The following REPS1 variants were observed in gnomAD, a reference collection of about 807,000 sequenced individuals.
REPS1 encodes the protein ralBP1-associated Eps domain-containing protein 1.
Under a neutral mutation model 100.9 loss-of-function variants are expected in REPS1, and 39 were observed. That is an observed-to-expected ratio of 0.39 (90% CI 0.30 to 0.50). The LOEUF (loss-of-function observed/expected upper bound fraction) is 0.50. Ranked by LOEUF, REPS1 falls within the 20% of genes least tolerant of loss-of-function variation. The pLI, the probability that REPS1 is intolerant of heterozygous loss-of-function variation, is 0.86. For missense variants in REPS1, 821 were observed against 968.5 expected, an observed-to-expected ratio of 0.85 and a Z score of 2.02; for synonymous variants, 324 against 340.3, an observed-to-expected ratio of 0.95 and a Z score of 0.53.
intron 1 of REPS1, among the ~76,000 whole-genome samples, chr6:138,974,520 C>T (rs2128505408): frequency 6.6e-6 from 1 of 152,190 alleles, no homozygotes; most frequent in Middle Eastern, 3.4e-3. Flanking sequence ...ATTAAATGTC[C>T]AAATGTGTTT....
At chr6:138,952,922 C>T (rs936129533) in intron 1 of REPS1, among the ~76,000 whole-genome samples, 1 of 151,666 alleles carries the variant, frequency 6.6e-6, no homozygotes, top group African/African-American at 2.4e-5. Flanking sequence ...ACCACAACCT[C>T]CACCTCCTGC....
rs1431410499 is a variant in REPS1 at position 138,987,895 on chromosome 6, C to G, written c.-213G>C. The G allele has an allele frequency of 2.4e-6, 1 of 420,914 alleles. No individual in the cohort carries two copies. The highest frequency in any genetic ancestry group is 3.9e-6 in the Non-Finnish European group (1 of 255,462). The allele number at this position is 420,914 out of a possible 1,614,324, so 26.1% of individuals were successfully genotyped here. A position where few individuals can be genotyped will look rare whatever the true frequency, so the allele number is the denominator to read the frequency against. ...GCTGCGCTCGCCGCGCCGCTGCCTG[C>G]GAGGCCCGGCGCGCGGCTGCGGCTG... On this transcript the variant is annotated 5_prime_UTR_variant, in exon 1 of 20. Coordinates refer to ENST00000450536, the MANE Select transcript of REPS1 (RefSeq NM_001286611.2).
chr6:138,982,103 G>A (rs1784988463), intron 1 of REPS1, among the ~76,000 whole-genome samples: 1 of 152,122 alleles, frequency 6.6e-6, no homozygotes, highest in East Asian at 1.9e-4. Context: ...TTATTTTAGT[G>A]ATTCAGAACT....
At chr6:138,957,277 T>TGG (rs1390764117) in intron 1 of REPS1, among the ~76,000 whole-genome samples, 1 of 152,122 alleles carries the variant, frequency 6.6e-6, no homozygotes, top group Non-Finnish European at 1.5e-5. Flanking sequence ...CATTTAGAGA[T>TGG]GGGGGAGAAC....
At position 138,934,590 on chromosome 6, in the gene REPS1, T is replaced by C. The variant is rs575554772; in HGVS notation, c.1136-4492A>G. ...GCTAAACAACCTCTTTCTCAGAGCT[T>C]TGTTTTTATTCTAGCTTTGTAACCT... On this transcript the variant is annotated intron_variant, in intron 8 of 19. Transcript: ENST00000450536. 3.3e-5 allele frequency among the ~76,000 whole-genome samples: 5 copies of C among 152,332 alleles called. No homozygotes were observed. The East Asian group carries it at 9.6e-4, about 29-fold the overall frequency.
chr6:138,957,264 A>T (rs187104866), intron 1 of REPS1, among the ~76,000 whole-genome samples: 208 of 152,304 alleles, frequency 1.4e-3, no homozygotes, highest in African/African-American at 4.8e-3. Flanking sequence ...AAAGATCCTA[A>T]AACATTTAGA....
chr6:138,944,544 G>A lies in REPS1; in HGVS notation c.707C>T (p.Thr236Ile). Residue 236 changes from threonine to isoleucine, a missense_variant, in exon 5 of 20, where the codon ACT becomes ATT. Physicochemically the swap from Thr to Ile is moderately conservative, Grantham distance 89 (BLOSUM62 -1). This residue lies in a region of REPS1 where 757 missense variants were observed against 866.4 expected (regional missense o/e 0.87). Coordinates refer to ENST00000450536, the MANE Select transcript of REPS1 (RefSeq NM_001286611.2). ...GGTTAAAAGAGTACTGGTTGGTGGA[G>A]TATCTGCAAAACTGACCCAGTTTTC... ...PQENWVSFAD[T>I]PPTSTLLTMH... 1.2e-6 allele frequency: 2 copies of A among 1,614,056 alleles called. No individual in the cohort carries two copies. Among genetic ancestry groups the A allele is most frequent in the Non-Finnish European group, 1.7e-6 (2 of 1,179,918 alleles).
At position 138,911,353 on chromosome 6, in the gene REPS1, G is replaced by T. The variant is rs372376645; in HGVS notation, c.1990C>A (p.Pro664Thr). Residue 664 changes from proline (P) to threonine (T), a missense_variant, in exon 17 of 20, where the codon CCT (proline) becomes ACT (threonine). Physicochemically the swap from Pro to Thr is conservative, Grantham distance 38. Around this residue, in one of 3 missense-constraint regions of REPS1, gnomAD observed 757 missense variants for 866.4 expected, o/e 0.87. Transcript: ENST00000450536. ...EVLPAEKASD[P>T]ASSLRVAKTD... ...TTGGCAACTCGAAGAGAACTTGCAG[G>T]ATCAGAAGCTTTTTCAGCCTAAAAA... 26 of 1,612,778 alleles carry T rather than the reference G, an allele frequency of 1.6e-5. No individual in the cohort carries two copies. Among genetic ancestry groups the T allele is most frequent in the Non-Finnish European group, 2.1e-5 (25 of 1,178,994 alleles).
chr6:138,964,139 A>C (rs1783887634), intron 1 of REPS1, among the ~76,000 whole-genome samples: 1 of 152,110 alleles, frequency 6.6e-6, no homozygotes. Flanking sequence ...CCTGCACACC[A>C]AGACCACATT....
At chr6:138,914,613 T>A in intron 15 of REPS1, 84 bp downstream of exon 15, 5 of 1,105,178 alleles carry the variant, frequency 4.5e-6, no homozygotes, top group Non-Finnish European at 7.0e-6. Context: ...TTCCTGACCT[T>A]CCAAATAATT....
Position 138,955,457 on chromosome 6 carries a change from A to AGTGTGTGTGTGTGTGTGT in REPS1, c.154-7562_154-7545dup, listed in dbSNP as rs1554294151. Among the ~76,000 whole-genome samples the AGTGTGTGTGTGTGTGTGT allele has an allele frequency of 2.4e-3, 214 of 90,712 alleles. 1 individual carries two copies. Among genetic ancestry groups the AGTGTGTGTGTGTGTGTGT allele is most frequent in the African/African-American group, 6.5e-3 (127 of 19,428 alleles). 59.5% of individuals were successfully genotyped at this position (90,712 alleles called of 152,430 possible). A position where few individuals can be genotyped will look rare whatever the true frequency, so the allele number is the denominator to read the frequency against. On this transcript the variant is annotated intron_variant, in intron 1 of 19. Transcript: ENST00000450536. The stretch of plus-strand genomic sequence containing the variant: ...TGTCTCTTTAAAAAAAAAAAAAAAA[A>AGTGTGTGTGTGTGTGTGT]GTGTGTGTGTGTGTGTGTGTGTGTG...
At chr6:138,933,996 T>C (rs1781643281) in intron 8 of REPS1, among the ~76,000 whole-genome samples, 1 of 152,196 alleles carries the variant, frequency 6.6e-6, no homozygotes, top group Non-Finnish European at 1.5e-5. Flanking sequence ...ATTGCTGTCC[T>C]AGAAAATCCA....
intron 1 of REPS1, among the ~76,000 whole-genome samples, chr6:138,976,299 C>T (rs559209526): frequency 6.6e-6 from 1 of 152,274 alleles, no homozygotes; most frequent in African/African-American, 2.4e-5. Flanking sequence ...ATAATCACTT[C>T]ATGCAATTTT....
chr6:138,967,159 TACA>T lies in REPS1; in HGVS notation c.154-19249_154-19247del, dbSNP rs558945870. On this transcript the variant is annotated intron_variant, in intron 1 of 19. Coordinates refer to ENST00000450536, the MANE Select transcript of REPS1 (RefSeq NM_001286611.2). ...CCTTCTGCTTTCCATCATGGGATAA[TACA>T]ACAAGAAGGCCCTAGCCAGATATGA... 9.2e-5 allele frequency among the ~76,000 whole-genome samples: 14 copies of T among 152,316 alleles called. 1 individual carries two copies. The highest frequency in any genetic ancestry group is 3.1e-4 in the African/African-American group (13 of 41,570).
intron 6 of REPS1, 72 bp downstream of exon 6, chr6:138,943,781 C>T (rs1371399096): frequency 7.6e-7 from 1 of 1,320,708 alleles, no homozygotes; most frequent in Admixed American, 2.3e-5. Context: ...ACCAATAAAA[C>T]AATGTCTTTG....
rs937305930 is a variant in REPS1 at position 138,911,347 on chromosome 6, T to C, written c.1996A>G (p.Ser666Gly). The C allele has an allele frequency of 6.8e-6, 11 of 1,613,392 alleles. No homozygotes were observed. Among genetic ancestry groups the C allele is most frequent in the Non-Finnish European group, 9.3e-6 (11 of 1,179,500 alleles). The change falls in exon 17 of 20, where the codon AGT becomes GGT. Residue 666 changes from serine to glycine, a missense_variant. By Grantham distance (56) the Ser-to-Gly change is moderately conservative. Coordinates refer to ENST00000450536, the MANE Select transcript of REPS1 (RefSeq NM_001286611.2). ...TCTGTTTTGGCAACTCGAAGAGAAC[T>C]TGCAGGATCAGAAGCTTTTTCAGCC... Reference protein sequence around the residue: ...LPAEKASDPASSLRVAKTDSK... With the variant: ...LPAEKASDPAGSLRVAKTDSK...
At chr6:138,922,505 A>G (rs1220406990) in intron 10 of REPS1, among the ~76,000 whole-genome samples, 1 of 152,216 alleles carries the variant, frequency 6.6e-6, no homozygotes. Context: ...AGCACAAAAG[A>G]AAGGATGAGA....
At chr6:138,913,553 GGAGAA>G (rs1419549289) in intron 15 of REPS1, among the ~76,000 whole-genome samples, 11 of 152,088 alleles carry the variant, frequency 7.2e-5, no homozygotes, top group Non-Finnish European at 2.9e-5. Flanking sequence ...GTCCGGAGCA[GGAGAA>G]GAGAATAAGT....
chr6:138,940,447 T>C (rs906907034), intron 8 of REPS1, among the ~76,000 whole-genome samples: 2 of 152,184 alleles, frequency 1.3e-5, no homozygotes, highest in Non-Finnish European at 1.5e-5. Context: ...ATTCTTTTTC[T>C]TTTTAAAGAA....
Sources: gnomAD v4.1 joint callset for allele counts (sites outside exome capture counted in the v4.1 genomes callset) on GRCh38, gnomAD v4.1.1 for gene constraint, gnomAD v4.1.1 regional missense constraint, MANE v1.5 for transcripts, NCBI Gene and HGNC (gene_info 2026-07-23, HGNC 2026-07-21) for gene names.